The following TTN variants were observed in gnomAD, a reference collection of about 807,000 sequenced individuals.
TTN encodes connectin.
In TTN, 1,525 loss-of-function variants were observed where a neutral mutation model predicts 3,223.0. The ratio of observed to expected loss-of-function variants is 0.47; its 90% CI spans 0.45 to 0.49. The LOEUF is 0.49. Among genes scored for constraint, TTN ranks in the 20% least tolerant of loss-of-function variants. The pLI, the probability that TTN is intolerant of heterozygous loss-of-function variation, is 0.00. For synonymous variants in TTN, 14,094 were observed against 15,161.0 expected, an observed-to-expected ratio of 0.93 and a Z score of 5.17; for missense variants, 40,786 against 43,424.0, an observed-to-expected ratio of 0.94 and a Z score of 5.40.
rs570642353 is a variant in TTN at position 178,757,932 on chromosome 2, C to G, written c.10304-16G>C. 11 of 1,513,658 alleles carry G rather than the reference C, an allele frequency of 7.3e-6. No homozygotes were observed. In the South Asian group the frequency reaches 1.5e-4, roughly 21 times the overall value. 93.8% of individuals were successfully genotyped at this position (1,513,658 alleles called of 1,614,324 possible). ...TTGCTAAATCCTGAAAAGAAGCATACCAATTTTTAATGTCTTACCTTGCAC... is the reference window on the plus strand; with the variant it reads ...TTGCTAAATCCTGAAAAGAAGCATAGCAATTTTTAATGTCTTACCTTGCAC... On this transcript the variant is annotated splice_polypyrimidine_tract_variant and intron_variant, in intron 44 of 362. Transcript: ENST00000589042.
Position 178,756,284 on chromosome 2 carries a change from C to T in TTN, c.11192G>A (p.Ser3731Asn). Residue 3731 changes from serine (S) to asparagine (N), a missense_variant, in exon 46 of 363, where the codon AGC (serine) becomes AAC (asparagine). Coordinates refer to ENST00000589042, the MANE Select transcript of TTN (RefSeq NM_001267550.2). ...TCCACAGTCATTGTGTACAATGCAG[C>T]TGTATAGTCCTTGGTCTACCAGCTG... ...NVQLVDQGLY[S>N]CIVHNDCGER... The T allele has an allele frequency of 6.2e-7, 1 of 1,613,868 alleles. No homozygotes were observed. The highest frequency in any genetic ancestry group is 1.1e-5 in the South Asian group (1 of 91,076).
At chr2:178,742,364 A>C (rs2082649580) in intron 47 of TTN, among the ~76,000 whole-genome samples, 1 of 152,176 alleles carries the variant, frequency 6.6e-6, no homozygotes, top group Admixed American at 6.6e-5. Flanking sequence ...ATTATTTCCA[A>C]AATAAACCAT....
chr2:178,766,241 TG>T lies in TTN; in HGVS notation c.9703+139del. Reference sequence around the variant, plus strand: ...CCCTCCCTTTTCCATAGATATAATGTGAAAAAAAATGTAGCTGGAACCACAT... The same window carrying T: ...CCCTCCCTTTTCCATAGATATAATGTAAAAAAAATGTAGCTGGAACCACAT... On this transcript the variant is annotated intron_variant, in intron 41 of 362. Coordinates refer to ENST00000589042, the MANE Select transcript of TTN (RefSeq NM_001267550.2). 4.2e-6 allele frequency: 3 copies of T among 720,400 alleles called. No homozygotes were observed. The South Asian group carries it at 5.0e-5, about 12-fold the overall frequency. 44.6% of individuals were successfully genotyped at this position (720,400 alleles called of 1,614,324 possible). A position where few individuals can be genotyped will look rare whatever the true frequency, so the allele number is the denominator to read the frequency against.
rs1229011306 is a variant in TTN at position 178,591,448 on chromosome 2, C to T, written c.60277G>A (p.Gly20093Arg). 3 of 1,598,010 alleles carry T rather than the reference C, an allele frequency of 1.9e-6. No individual in the cohort carries two copies. Among genetic ancestry groups the T allele is most frequent in the South Asian group, 2.3e-5 (2 of 87,874 alleles). Reference sequence around the variant, plus strand: ...ATAGCAGGGAATCTGACTGTGGTTCCAGCCTTTACCACAAGACCTTCAATT... The same window carrying T: ...ATAGCAGGGAATCTGACTGTGGTTCTAGCCTTTACCACAAGACCTTCAATT... ...KLIEGLVVKAGTTVRFPAIIR... is the reference protein window; with the variant it reads ...KLIEGLVVKARTTVRFPAIIR... Residue 20093 changes from glycine to arginine, a missense_variant, in exon 304 of 363, where the codon GGA (glycine) becomes AGA (arginine). Gly to Arg is a moderately radical substitution (Grantham distance 125, BLOSUM62 -2). Coordinates refer to ENST00000589042, the MANE Select transcript of TTN (RefSeq NM_001267550.2).
In TTN at chr2:178,622,745, T is replaced by C; in HGVS notation, c.44838A>G (p.Arg14946=). 6.2e-7 allele frequency: 1 copy of C among 1,603,284 alleles called. No individual in the cohort carries two copies. Among genetic ancestry groups the C allele is most frequent in the Non-Finnish European group, 8.5e-7 (1 of 1,174,822 alleles). ...NVVPPHVEFL[R]PLTDLQVREK... Reference sequence around the variant, plus strand: ...CTCTAACTTGAAGGTCGGTGAGTGGTCTTAAGAATTCCACATGAGGAGCTG... The same window carrying C: ...CTCTAACTTGAAGGTCGGTGAGTGGCCTTAAGAATTCCACATGAGGAGCTG... The change falls in exon 243 of 363, where the codon AGA becomes AGG. Residue 14946 remains arginine, a synonymous_variant. Coordinates refer to ENST00000589042, the MANE Select transcript of TTN (RefSeq NM_001267550.2).
chr2:178,804,521 A>G, intron 2 of TTN, 31 bp downstream of exon 2: 1 of 1,611,012 alleles, frequency 6.2e-7, no homozygotes. Context: ...GCAAAGGAAA[A>G]AAAAACAAAA....
chr2:178,634,680 A>T lies in TTN; in HGVS notation c.42151+43T>A. ...GCTTTTCAGAATGCACAGGGAAGTGAAATAAAGTTGAGACCCCTCCCCAAA... is the reference window on the plus strand; with the variant it reads ...GCTTTTCAGAATGCACAGGGAAGTGTAATAAAGTTGAGACCCCTCCCCAAA... On this transcript the variant is annotated intron_variant, in intron 229 of 362. Transcript: ENST00000589042. The surrounding 1 kb of genome is among the most constrained non-coding windows in gnomAD (Gnocchi z 4.6). 1 of 1,611,772 alleles carries T rather than the reference A, an allele frequency of 6.2e-7. No individual in the cohort carries two copies. The highest frequency in any genetic ancestry group is 8.5e-7 in the Non-Finnish European group (1 of 1,179,106).
At chr2:178,685,633 C>T in intron 127 of TTN, 35 bp from the exon 128 acceptor site, 1 of 1,588,120 alleles carries the variant, frequency 6.3e-7, no homozygotes, top group East Asian at 2.2e-5. Flanking sequence ...AGATAAATTA[C>T]AGTGTTTTTC....
intron 47 of TTN, chr2:178,748,331 T>G (rs773714392): frequency 6.2e-7 from 1 of 1,613,078 alleles, no homozygotes; most frequent in Non-Finnish European, 8.5e-7. Flanking sequence ...AATACTACTT[T>G]TCTCCACCAT....
intron 62 of TTN, 55 bp downstream of exon 62, chr2:178,730,038 C>T: frequency 6.3e-7 from 1 of 1,591,106 alleles, no homozygotes. Flanking sequence ...CCCCGGCCCA[C>T]CCCAGGCAAG....
At position 178,588,673 on chromosome 2, in the gene TTN, T is replaced by C. The variant is rs1288233039; in HGVS notation, c.63052A>G (p.Ile21018Val). Reference sequence around the variant, plus strand: ...TGTACTTTCATACGTCTCTCAGGGATTGCACTCTTGTTGACAGGGACCCAT... The same window carrying C: ...TGTACTTTCATACGTCTCTCAGGGACTGCACTCTTGTTGACAGGGACCCAT... ...TRWVPVNKSA[I>V]PERRMKVQNL... Residue 21018 changes from isoleucine to valine, a missense_variant, in exon 304 of 363, where the codon ATC becomes GTC. Physicochemically the swap from Ile to Val is conservative, Grantham distance 29. Coordinates refer to ENST00000589042, the MANE Select transcript of TTN (RefSeq NM_001267550.2). 1.2e-6 allele frequency: 2 copies of C among 1,613,066 alleles called. No individual in the cohort carries two copies. The highest frequency in any genetic ancestry group is 1.7e-6 in the Non-Finnish European group (2 of 1,179,382).
Position 178,553,688 on chromosome 2 carries a change from T to G in TTN, c.89317A>C (p.Ile29773Leu). Residue 29773 changes from isoleucine (I) to leucine (L), a missense_variant, in exon 334 of 363, where the codon ATA (isoleucine) becomes CTA (leucine). By Grantham distance (5) the Ile-to-Leu change is conservative (BLOSUM62 2). Transcript: ENST00000589042. Reference protein sequence around the residue: ...GSAVTGYVVEIRQGEEEEWTT... With the variant: ...GSAVTGYVVELRQGEEEEWTT... ...CATTCCTCTTCCTCTCCTTGTCTTA[T>G]CTCGACAACATACCCAGTAACAGCA... 1 of 1,613,872 alleles carries G rather than the reference T, an allele frequency of 6.2e-7. No homozygotes were observed. Among genetic ancestry groups the G allele is most frequent in the Non-Finnish European group, 8.5e-7 (1 of 1,179,812 alleles).
At chr2:178,757,506 A>G (rs751438597) in intron 45 of TTN, 36 bp downstream of exon 45, 19 of 1,519,942 alleles carry the variant, frequency 1.3e-5, no homozygotes, top group Non-Finnish European at 1.8e-6. Context: ...AGAGGTATAC[A>G]GCAAATCAAA....
rs2068982038 is a variant in TTN, at chr2:178,680,012, A to T, written c.33462T>A (p.Phe11154Leu). The T allele has an allele frequency of 6.2e-7, 1 of 1,613,256 alleles. No homozygotes were observed. The highest frequency in any genetic ancestry group is 2.2e-5 in the East Asian group (1 of 44,872). Residue 11154 changes from phenylalanine to leucine, a missense_variant, in exon 140 of 363, where the codon TTT becomes TTA. Physicochemically the swap from Phe to Leu is conservative, Grantham distance 22. Coordinates refer to ENST00000589042, the MANE Select transcript of TTN (RefSeq NM_001267550.2). ...CTACATGGGTTACAACTTCCTCTTC[A>T]AAGGCAACCTCTTCTGGTTCAAGTT... ...PKELEPEEVAFEEEVVTHVEE... is the reference protein window; with the variant it reads ...PKELEPEEVALEEEVVTHVEE...
intron 211 of TTN, 57 bp downstream of exon 211, chr2:178,649,757 TAAG>T (rs2062624314): frequency 2.5e-6 from 4 of 1,570,510 alleles, no homozygotes; most frequent in Non-Finnish European, 3.5e-6. Flanking sequence ...CAACACACAA[TAAG>T]AAGAGTGTAA....
chr2:178,780,270 A>G (rs1485447013), intron 21 of TTN, 65 bp from the exon 22 acceptor site: 23 of 1,423,662 alleles, frequency 1.6e-5, no homozygotes, highest in Non-Finnish European at 2.1e-5. Context: ...ACCACTATGC[A>G]TTCAGGTAAA....
intron 242 of TTN, 26 bp from the exon 243 acceptor site, chr2:178,622,793 A>G (rs1265688200): frequency 3.2e-6 from 5 of 1,545,956 alleles, no homozygotes; most frequent in African/African-American, 1.4e-5. Flanking sequence ...ATCAGAATTC[A>G]AAATGAGGTT....
rs1251147363 is a variant in TTN, at chr2:178,590,543, C to G, written c.61182G>C (p.Lys20394Asn). 10 of 1,612,642 alleles carry G rather than the reference C, an allele frequency of 6.2e-6. No homozygotes were observed. The highest frequency in any genetic ancestry group is 1.3e-5 in the African/African-American group (1 of 74,840). The change falls in exon 304 of 363, where the codon AAG becomes AAC. Residue 20394 changes from lysine to asparagine, a missense_variant. By Grantham distance (94) the Lys-to-Asn change is moderately conservative. Coordinates refer to ENST00000589042, the MANE Select transcript of TTN (RefSeq NM_001267550.2). ...TGGGGCTACCACCATCACTGAGAGGCTTTGTCCACACCAAATCAGCTGTTT... is the reference window on the plus strand; with the variant it reads ...TGGGGCTACCACCATCACTGAGAGGGTTTGTCCACACCAAATCAGCTGTTT... ...SRETADLVWT[K>N]PLSDGGSPIL...
At position 178,549,303 on chromosome 2, in the gene TTN, T is replaced by C. The variant is rs1410441906; in HGVS notation, c.92323A>G (p.Ile30775Val). ...RWVKVISKRP[I>V]SETRFKVTGL... The stretch of plus-strand genomic sequence containing the variant: ...GTGACTTTGAATCTTGTTTCAGAGA[T>C]TGGTCGTTTGCTGATCACTTTTACC... The change falls in exon 339 of 363, where the codon ATC becomes GTC. Residue 30775 changes from isoleucine to valine, a missense_variant. Coordinates refer to ENST00000589042, the MANE Select transcript of TTN (RefSeq NM_001267550.2). The C allele has an allele frequency of 3.1e-6, 5 of 1,613,946 alleles. No individual in the cohort carries two copies. Among genetic ancestry groups the C allele is most frequent in the Non-Finnish European group, 4.2e-6 (5 of 1,179,828 alleles).
Sources: allele counts gnomAD v4.1 joint callset (sites outside exome capture counted in the v4.1 genomes callset), GRCh38; gene constraint gnomAD v4.1.1; non-coding constraint Gnocchi (gnomAD v3.1); transcripts MANE v1.5; gene names NCBI Gene and HGNC (gene_info 2026-07-23, HGNC 2026-07-21).